The following GTF2A1 variants were observed in gnomAD, a reference collection of about 807,000 sequenced individuals.
The protein encoded by GTF2A1 is transcription initiation factor IIA subunit 1.
Under a neutral mutation model 54.1 loss-of-function variants are expected in GTF2A1, and 12 were observed. That is an observed-to-expected ratio of 0.22 (90% CI 0.14 to 0.36). The LOEUF (loss-of-function observed/expected upper bound fraction) is 0.36, where lower values mean the gene tolerates loss of function less well. Among genes scored for constraint, GTF2A1 ranks in the 10% least tolerant of loss-of-function variants. The pLI, the probability that GTF2A1 is intolerant of heterozygous loss-of-function variation, is 1.00. For missense variants in GTF2A1, 335 were observed against 442.2 expected (o/e 0.76, Z 2.17); for synonymous variants, 145 against 152.0 (o/e 0.95, Z 0.34).
At chr14:81,197,336 A>C (rs1893013222) in intron 5 of GTF2A1, 73 bp downstream of exon 5, 1 of 743,678 alleles carries the variant, frequency 1.3e-6, no homozygotes, top group Non-Finnish European at 2.3e-6. Flanking sequence ...CTTTCAAAGA[A>C]GACAAAACCT....
chr14:81,188,747 A>G (rs531491535), intron 7 of GTF2A1, among the ~76,000 whole-genome samples: 1 of 151,426 alleles, frequency 6.6e-6, no homozygotes, highest in Non-Finnish European at 1.5e-5. Flanking sequence ...ACTGCACTCC[A>G]GCCTGGGCGA....
chr14:81,175,672 C>A lies in GTF2A1; in HGVS notation c.*4551G>T, dbSNP rs563454255. On this transcript the variant is annotated 3_prime_UTR_variant, in exon 9 of 9. Transcript: ENST00000553612. The stretch of plus-strand genomic sequence containing the variant: ...CAATACAAACCTCAGTAATCCAATT[C>A]TCCTAATATGCAATTATTTATAACC... 2 of 152,260 alleles carry A rather than the reference C, an allele frequency of 1.3e-5. No homozygotes were observed. The highest frequency in any genetic ancestry group is 2.1e-4 in the South Asian group (1 of 4,830). The allele number at this position is 152,260 out of a possible 1,614,324, so 9.4% of individuals were successfully genotyped here.
At chr14:81,191,568 T>C (rs1189185263) in intron 7 of GTF2A1, among the ~76,000 whole-genome samples, 1 of 152,204 alleles carries the variant, frequency 6.6e-6, no homozygotes, top group Non-Finnish European at 1.5e-5. Flanking sequence ...AATTACTTCA[T>C]TTACGTTGTA....
At chr14:81,191,379 T>C (rs910702198) in intron 7 of GTF2A1, among the ~76,000 whole-genome samples, 2 of 152,192 alleles carry the variant, frequency 1.3e-5, no homozygotes, top group Admixed American at 6.5e-5. Context: ...CAATATTTTA[T>C]AACTGTTTGT....
chr14:81,220,496 T>G lies in GTF2A1; in HGVS notation c.23A>C (p.Asn8Thr), dbSNP rs1595236753. MANSANT[N>T]TVPKLYRSVI... The stretch of plus-strand genomic sequence containing the variant: ...ACCGAACCACGTCCTTACCACGGTG[T>G]TTGTATTTGCCGAGTTCGCCATTTC... Residue 8 changes from asparagine (N) to threonine (T), a missense_variant, in exon 1 of 9, where the codon AAC (asparagine) becomes ACC (threonine). By Grantham distance (65) the Asn-to-Thr change is moderately conservative. Transcript: ENST00000553612. 6.3e-7 allele frequency: 1 copy of G among 1,574,860 alleles called. No homozygotes were observed. The highest frequency in any genetic ancestry group is 8.6e-7 in the Non-Finnish European group (1 of 1,160,342).
At chr14:81,209,459 T>C (rs1013624912) in intron 2 of GTF2A1, among the ~76,000 whole-genome samples, 1 of 152,176 alleles carries the variant, frequency 6.6e-6, no homozygotes, top group East Asian at 1.9e-4. Context: ...ACGTCTTTAT[T>C]AGCAGTGTGA....
Position 81,178,239 on chromosome 14 carries a change from C to A in GTF2A1, c.*1984G>T, listed in dbSNP as rs1892567591. The stretch of plus-strand genomic sequence containing the variant: ...TCACTTAAGCAACACTGCAGCACTG[C>A]TGAATTTTTATAGGTAGTTCAGGTC... On this transcript the variant is annotated 3_prime_UTR_variant, in exon 9 of 9. Transcript: ENST00000553612. The A allele has an allele frequency of 6.6e-6, 1 of 152,010 alleles. No homozygotes were observed. Among genetic ancestry groups the A allele is most frequent in the Non-Finnish European group, 1.5e-5 (1 of 67,966 alleles). 9.4% of individuals were successfully genotyped at this position (152,010 alleles called of 1,614,324 possible). A position where few individuals can be genotyped will look rare whatever the true frequency, so the allele number is the denominator to read the frequency against.
intron 2 of GTF2A1, among the ~76,000 whole-genome samples, chr14:81,204,930 A>G (rs1893196771): frequency 6.6e-6 from 1 of 152,162 alleles, no homozygotes; most frequent in African/African-American, 2.4e-5. Context: ...ACTGGCCAAA[A>G]AGTCACAAAC....
chr14:81,190,484 CAA>C, intron 7 of GTF2A1, among the ~76,000 whole-genome samples: 1 of 152,012 alleles, frequency 6.6e-6, no homozygotes, highest in Middle Eastern at 3.4e-3. Context: ...CCCAGGAGTA[CAA>C]GATTGGTTTA....
At position 81,178,384 on chromosome 14, in the gene GTF2A1, T is replaced by C. The variant is rs1489563184; in HGVS notation, c.*1839A>G. On this transcript the variant is annotated 3_prime_UTR_variant, in exon 9 of 9. Coordinates refer to ENST00000553612, the MANE Select transcript of GTF2A1 (RefSeq NM_015859.4). ...TCCTCTTCTCTCAGTCTTAATAATA[T>C]ATATTTTAAAACCTCTGTGTGCTTT... The C allele has an allele frequency of 2.6e-5, 4 of 152,128 alleles. No homozygotes were observed. Among genetic ancestry groups the C allele is most frequent in the Non-Finnish European group, 1.5e-5 (1 of 68,016 alleles). The allele number at this position is 152,128 out of a possible 1,614,324, so 9.4% of individuals were successfully genotyped here. A position where few individuals can be genotyped will look rare whatever the true frequency, so the allele number is the denominator to read the frequency against.
intron 2 of GTF2A1, among the ~76,000 whole-genome samples, chr14:81,210,566 T>C (rs541078637): frequency 6.6e-6 from 1 of 152,298 alleles, no homozygotes; most frequent in African/African-American, 2.4e-5. Flanking sequence ...TGTTTTTGTT[T>C]TTTTTGGATA....
intron 7 of GTF2A1, 21 bp downstream of exon 7, chr14:81,192,498 A>C (rs1566853897): frequency 6.4e-7 from 1 of 1,557,624 alleles, no homozygotes; most frequent in Non-Finnish European, 8.7e-7. Context: ...GATTATTTTA[A>C]GTATGTTACT....
chr14:81,215,899 C>T (rs1161246837), intron 2 of GTF2A1, among the ~76,000 whole-genome samples: 1 of 152,122 alleles, frequency 6.6e-6, no homozygotes, highest in African/African-American at 2.4e-5. Flanking sequence ...GCCAGGCATG[C>T]TGGCATGTGC....
At chr14:81,207,135 C>CTACG (rs1278748562) in intron 2 of GTF2A1, among the ~76,000 whole-genome samples, 25 of 125,010 alleles carry the variant, frequency 2.0e-4, no homozygotes, top group Admixed American at 2.5e-4. Context: ...ATCTACCTAC[C>CTACG]TACGTACCTA....
intron 8 of GTF2A1, among the ~76,000 whole-genome samples, chr14:81,183,898 T>C (rs1049370290): frequency 6.6e-6 from 1 of 152,190 alleles, no homozygotes; most frequent in Non-Finnish European, 1.5e-5. Context: ...GCTCAAACAA[T>C]ATCCAACCTC....
intron 5 of GTF2A1, among the ~76,000 whole-genome samples, chr14:81,196,803 A>C (rs1893002470): frequency 6.6e-6 from 1 of 152,250 alleles, no homozygotes. Context: ...ATTAAAAAGC[A>C]AATTACATCT....
chr14:81,214,411 C>T (rs1893440085), intron 2 of GTF2A1, among the ~76,000 whole-genome samples: 5 of 151,920 alleles, frequency 3.3e-5, no homozygotes, highest in African/African-American at 1.2e-4. Flanking sequence ...TTTGGGAGGC[C>T]GAGGTGGGGG....
Position 81,180,258 on chromosome 14 carries a change from TATA to T in GTF2A1, c.1093_1095del (p.Tyr365del). ...GCATCTCCAATGGCTTTGGAAAATA[TATA>T]ATCTCTTCCATTAAGATTCATAATG... On this transcript the variant is annotated inframe_deletion, in exon 9 of 9. Transcript: ENST00000553612. 1 of 1,481,192 alleles carries T rather than the reference TATA, an allele frequency of 6.8e-7. No individual in the cohort carries two copies. Among genetic ancestry groups the T allele is most frequent in the Non-Finnish European group, 9.3e-7 (1 of 1,070,282 alleles). 91.8% of individuals were successfully genotyped at this position (1,481,192 alleles called of 1,614,324 possible). A position where few individuals can be genotyped will look rare whatever the true frequency, so the allele number is the denominator to read the frequency against.
chr14:81,211,034 T>G (rs1404410789), intron 2 of GTF2A1, among the ~76,000 whole-genome samples: 1 of 152,238 alleles, frequency 6.6e-6, no homozygotes, highest in African/African-American at 2.4e-5. Flanking sequence ...TATAAATACA[T>G]GTACAAACTA....
Sources: gnomAD v4.1 joint callset for allele counts (sites outside exome capture counted in the v4.1 genomes callset) on GRCh38, gnomAD v4.1.1 for gene constraint, MANE v1.5 for transcripts, NCBI Gene and HGNC (gene_info 2026-07-23, HGNC 2026-07-21) for gene names.